Variants in YIPF4 observed in about 807,000 individuals in gnomAD.
The protein encoded by YIPF4 is protein YIPF4.
YIPF4 carries 18 observed loss-of-function variants against 29.4 expected under a neutral mutation model. The observed-to-expected ratio is 0.61, with a 90% CI of 0.42 to 0.91. The LOEUF (loss-of-function observed/expected upper bound fraction) is 0.91. YIPF4 is among the 40% of genes least tolerant of loss of function. The pLI is 0.00. For synonymous variants in YIPF4, 115 were observed against 104.7 expected, an observed-to-expected ratio of 1.10 and a Z score of -0.60; for missense variants, 279 against 282.7, an observed-to-expected ratio of 0.99 and a Z score of 0.09.
In YIPF4 at chr2:32,277,964, A is replaced by G. The variant is rs2030171554; in HGVS notation, c.-192A>G. ...TGGTGCTTGGGTGGTCGCCACCAAG[A>G]AGACTTTGGTGGGGTAGTCTCGGGG... is the stretch of plus-strand genomic sequence containing the variant. On this transcript the variant is annotated 5_prime_UTR_variant, in exon 1 of 6. Coordinates refer to ENST00000238831, the MANE Select transcript of YIPF4 (RefSeq NM_032312.4). The G allele has an allele frequency of 9.3e-6, 5 of 540,312 alleles. No homozygotes were observed. The highest frequency in any genetic ancestry group is 1.6e-5 in the Non-Finnish European group (5 of 309,242). The allele number at this position is 540,312 out of a possible 1,614,324, so 33.5% of individuals were successfully genotyped here. A position where few individuals can be genotyped will look rare whatever the true frequency, so the allele number is the denominator to read the frequency against.
At chr2:32,282,212 C>T (rs2030450588) in intron 1 of YIPF4, among the ~76,000 whole-genome samples, 1 of 152,186 alleles carries the variant, frequency 6.6e-6, no homozygotes, top group African/African-American at 2.4e-5. Context: ...AAGATGATTG[C>T]TTGAGCCCAG....
chr2:32,307,060 A>G lies in YIPF4; in HGVS notation c.*1434A>G, dbSNP rs1294534193. On this transcript the variant is annotated 3_prime_UTR_variant, in exon 6 of 6. Coordinates refer to ENST00000238831, the MANE Select transcript of YIPF4 (RefSeq NM_032312.4). ...AAAAAGTGTGGAGCACTTTTGAGCT[A>G]GAATAATGTAGAAAATTACATGTAC... The G allele has an allele frequency of 2.4e-6, 3 of 1,230,606 alleles. No individual in the cohort carries two copies. Among genetic ancestry groups the G allele is most frequent in the Admixed American group, 6.0e-5 (2 of 33,276 alleles). The allele number at this position is 1,230,606 out of a possible 1,614,324, so 76.2% of individuals were successfully genotyped here.
chr2:32,306,253 A>G lies in YIPF4; in HGVS notation c.*627A>G. 1.0e-6 allele frequency: 1 copy of G among 953,548 alleles called. No homozygotes were observed. 59.1% of individuals were successfully genotyped at this position (953,548 alleles called of 1,614,324 possible). On this transcript the variant is annotated 3_prime_UTR_variant, in exon 6 of 6. Transcript: ENST00000238831. ...GATACTTCCTTGTTAAGAATTCTTA[A>G]TAACTACTAAAACTGATTTTTAATA...
In YIPF4 at chr2:32,303,193, A is replaced by T. The variant is rs568695949; in HGVS notation, c.597+1698A>T. Among the ~76,000 whole-genome samples the T allele has an allele frequency of 1.1e-4, 16 of 152,162 alleles. No individual in the cohort carries two copies. In the South Asian group the frequency reaches 2.9e-3, roughly 28 times the overall value. The stretch of plus-strand genomic sequence containing the variant: ...CAATCAGCCTGGGCAACGTGGCGAA[A>T]CTCCATCTCTACAAAATTTAGCCAG... On this transcript the variant is annotated intron_variant, in intron 5 of 5. Transcript: ENST00000238831.
At position 32,306,349 on chromosome 2, in the gene YIPF4, T is replaced by A; in HGVS notation, c.*723T>A. 3 of 985,804 alleles carry A rather than the reference T, an allele frequency of 3.0e-6. No homozygotes were observed. Among genetic ancestry groups the A allele is most frequent in the Non-Finnish European group, 3.6e-6 (3 of 829,890 alleles). The allele number at this position is 985,804 out of a possible 1,614,324, so 61.1% of individuals were successfully genotyped here. ...ATTTTTGAATGTCCAAACATCTGAT[T>A]TAAAGTTTCTGTTTATCTTTCTGAC... On this transcript the variant is annotated 3_prime_UTR_variant, in exon 6 of 6. Transcript: ENST00000238831.
At chr2:32,305,351 G>A in intron 5 of YIPF4, 138 bp from the exon 6 acceptor site, 1 of 1,004,458 alleles carries the variant, frequency 1.0e-6, no homozygotes, top group Non-Finnish European at 1.3e-6. Flanking sequence ...TTTAACATTT[G>A]TAACAAGTTT....
intron 5 of YIPF4, among the ~76,000 whole-genome samples, chr2:32,302,748 G>A (rs116295424): frequency 4.9e-4 from 75 of 152,198 alleles, no homozygotes; most frequent in African/African-American, 1.8e-3. Flanking sequence ...TTTAAAGACT[G>A]TGACTTTCAG....
rs112300388 is a variant in YIPF4 at position 32,299,794 on chromosome 2, G to T, written c.483+1483G>T. On this transcript the variant is annotated intron_variant, in intron 4 of 5. Transcript: ENST00000238831. Reference sequence around the variant, plus strand: ...GCCACTGCACTGTAGCCTGGCCGACGGTGAAATCTTGTCTTAAATAAATTA... The same window carrying T: ...GCCACTGCACTGTAGCCTGGCCGACTGTGAAATCTTGTCTTAAATAAATTA... Among the ~76,000 whole-genome samples, 7 of 151,976 alleles carry T rather than the reference G, an allele frequency of 4.6e-5. 1 individual carries two copies. Among genetic ancestry groups the T allele is most frequent in the East Asian group, 1.9e-4 (1 of 5,158 alleles).
chr2:32,292,696 T>C (rs940412199), intron 3 of YIPF4, among the ~76,000 whole-genome samples: 1 of 151,676 alleles, frequency 6.6e-6, no homozygotes, highest in Admixed American at 6.6e-5. Context: ...GCCCTGTCTC[T>C]ACTAAAACTA....
chr2:32,306,465 T>C lies in YIPF4; in HGVS notation c.*839T>C, dbSNP rs1238983678. 5 of 983,714 alleles carry C rather than the reference T, an allele frequency of 5.1e-6. No homozygotes were observed. In the East Asian group the frequency reaches 5.7e-4, roughly 112 times the overall value. The allele number at this position is 983,714 out of a possible 1,614,324, so 60.9% of individuals were successfully genotyped here. ...ATATTTACAGCATCAGTAAATATTT[T>C]TAAGTGGTACTTCTAAATCATAAAA... On this transcript the variant is annotated 3_prime_UTR_variant, in exon 6 of 6. Transcript: ENST00000238831.
intron 1 of YIPF4, among the ~76,000 whole-genome samples, chr2:32,282,107 G>C (rs2030444782): frequency 6.6e-6 from 1 of 151,756 alleles, no homozygotes; most frequent in African/African-American, 2.4e-5. Flanking sequence ...GAGAGGTTTA[G>C]CAATTTTCAC....
At chr2:32,294,159 G>A (rs1250517601) in intron 3 of YIPF4, among the ~76,000 whole-genome samples, 1 of 151,606 alleles carries the variant, frequency 6.6e-6, no homozygotes, top group African/African-American at 2.4e-5. Context: ...CGGCTGGCCT[G>A]GCAGGGGCTG....
chr2:32,300,822 C>G (rs2148966475), intron 4 of YIPF4, among the ~76,000 whole-genome samples: 1 of 152,306 alleles, frequency 6.6e-6, no homozygotes, highest in Non-Finnish European at 1.5e-5. Context: ...GAATCGATTT[C>G]TTCACAATAG....
At chr2:32,279,506 T>G (rs2030287100) in intron 1 of YIPF4, among the ~76,000 whole-genome samples, 1 of 149,644 alleles carries the variant, frequency 6.7e-6, no homozygotes, top group African/African-American at 2.5e-5. Context: ...CACGCCATTC[T>G]CTGGCCTCAG....
intron 1 of YIPF4, among the ~76,000 whole-genome samples, chr2:32,280,422 C>G (rs2030347221): frequency 6.6e-6 from 1 of 150,732 alleles, no homozygotes; most frequent in Non-Finnish European, 1.5e-5. Flanking sequence ...CTCTGTCGCC[C>G]AGGCTGGAGT....
At chr2:32,291,248 A>G (rs1390641859) in intron 2 of YIPF4, among the ~76,000 whole-genome samples, 1 of 152,250 alleles carries the variant, frequency 6.6e-6, no homozygotes, top group Non-Finnish European at 1.5e-5. Context: ...AATACACCAT[A>G]TATCGGCCAG....
At chr2:32,299,581 G>C (rs1054625086) in intron 4 of YIPF4, among the ~76,000 whole-genome samples, 8 of 152,166 alleles carry the variant, frequency 5.3e-5, no homozygotes, top group African/African-American at 1.4e-4. Flanking sequence ...CAGCACTTTG[G>C]GGGGCTGACG....
intron 1 of YIPF4, among the ~76,000 whole-genome samples, chr2:32,283,206 T>C (rs960506081): frequency 6.6e-6 from 1 of 152,160 alleles, no homozygotes; most frequent in Admixed American, 6.5e-5. Flanking sequence ...GTTTCAGTGT[T>C]AACTGACCCC....
intron 1 of YIPF4, among the ~76,000 whole-genome samples, chr2:32,281,057 AT>A (rs1251617789): frequency 6.6e-6 from 1 of 152,184 alleles, no homozygotes; most frequent in Non-Finnish European, 1.5e-5. Flanking sequence ...TTGATTCCAC[AT>A]ACTAAGAAAC....
Sources: gnomAD v4.1 joint callset for allele counts (sites outside exome capture counted in the v4.1 genomes callset) on GRCh38, gnomAD v4.1.1 for gene constraint, MANE v1.5 for transcripts, NCBI Gene and HGNC (gene_info 2026-07-23, HGNC 2026-07-21) for gene names.